The following NSMCE2 variants were observed in gnomAD, a reference collection of about 807,000 sequenced individuals.
The protein encoded by NSMCE2 is NSE2 SUMO ligase component of SMC5/6 complex.
NSMCE2 carries 24 observed loss-of-function variants against 23.8 expected under a neutral mutation model. That is an observed-to-expected ratio of 1.01 (90% CI 0.73 to 1.42). NSMCE2 has a LOEUF of 1.42. Ranked by LOEUF, NSMCE2 falls within the 40% of genes most tolerant of loss-of-function variation. The pLI, the probability that NSMCE2 is intolerant of heterozygous loss-of-function variation, is 0.00. For missense variants in NSMCE2, 284 were observed against 296.5 expected (o/e 0.96, Z 0.31); for synonymous variants, 92 against 94.1 (o/e 0.98, Z 0.13).
chr8:125,119,847 G>A (rs1819185793), intron 3 of NSMCE2, among the ~76,000 whole-genome samples: 1 of 151,732 alleles, frequency 6.6e-6, no homozygotes, highest in Non-Finnish European at 1.5e-5. Context: ...TCTTCTTTCT[G>A]TACTTTATAA....
intron 5 of NSMCE2, among the ~76,000 whole-genome samples, chr8:125,204,875 C>T (rs1168936858): frequency 2.0e-5 from 3 of 152,152 alleles, no homozygotes; most frequent in South Asian, 2.1e-4. Flanking sequence ...TAACTAGATC[C>T]GGCCAGTTTC....
intron 5 of NSMCE2, among the ~76,000 whole-genome samples, chr8:125,285,430 C>A (rs1263052481): frequency 6.6e-6 from 1 of 152,152 alleles, no homozygotes; most frequent in Non-Finnish European, 1.5e-5. Flanking sequence ...TCCTCCCCTC[C>A]CTCCCTTCCT....
At chr8:125,096,088 G>T (rs1483855087) in intron 1 of NSMCE2, among the ~76,000 whole-genome samples, 2 of 152,120 alleles carry the variant, frequency 1.3e-5, no homozygotes, top group African/African-American at 4.8e-5. Flanking sequence ...AGGGCCTTGA[G>T]CTCCTTCCAT....
chr8:125,266,239 G>A (rs1049744561), intron 5 of NSMCE2, among the ~76,000 whole-genome samples: 1 of 152,142 alleles, frequency 6.6e-6, no homozygotes, highest in Non-Finnish European at 1.5e-5. Context: ...TTACAGGCAT[G>A]TGCCACCACG....
At chr8:125,192,340 T>A (rs536732591) in intron 5 of NSMCE2, among the ~76,000 whole-genome samples, 22 of 152,264 alleles carry the variant, frequency 1.4e-4, no homozygotes, top group African/African-American at 3.8e-4. Flanking sequence ...TTTTTTTTTT[T>A]TTTTAAAGAA....
At chr8:125,197,200 A>G (rs1335035461) in intron 5 of NSMCE2, among the ~76,000 whole-genome samples, 2 of 152,122 alleles carry the variant, frequency 1.3e-5, no homozygotes, top group Non-Finnish European at 2.9e-5. Flanking sequence ...TCTTTAGTTT[A>G]ATTAGATCCC....
At chr8:125,134,773 G>A (rs1425873145) in intron 3 of NSMCE2, among the ~76,000 whole-genome samples, 1 of 147,300 alleles carries the variant, frequency 6.8e-6, no homozygotes, top group East Asian at 2.0e-4. Flanking sequence ...TGTTGCTCAG[G>A]CTGGAGTACA....
chr8:125,314,156 T>G (rs1226817860), intron 5 of NSMCE2, among the ~76,000 whole-genome samples: 1 of 152,240 alleles, frequency 6.6e-6, no homozygotes, highest in East Asian at 1.9e-4. Context: ...AATGCTTAAG[T>G]GGATATCTAA....
At chr8:125,345,512 A>G (rs1352663321) in intron 5 of NSMCE2, among the ~76,000 whole-genome samples, 4 of 152,240 alleles carry the variant, frequency 2.6e-5, no homozygotes, top group Non-Finnish European at 4.4e-5. Flanking sequence ...TTCACTGAGA[A>G]CATGAAGCTG....
At chr8:125,228,821 C>G (rs1026335595) in intron 5 of NSMCE2, among the ~76,000 whole-genome samples, 7 of 152,020 alleles carry the variant, frequency 4.6e-5, no homozygotes, top group African/African-American at 1.7e-4. Flanking sequence ...TAGCTTAGCT[C>G]ATTGAATTCA....
At chr8:125,219,818 A>G (rs1824769646) in intron 5 of NSMCE2, among the ~76,000 whole-genome samples, 1 of 152,210 alleles carries the variant, frequency 6.6e-6, no homozygotes, top group Non-Finnish European at 1.5e-5. Context: ...TCACTGTGAA[A>G]AAGAACCTGG....
intron 3 of NSMCE2, among the ~76,000 whole-genome samples, chr8:125,123,017 A>G (rs914224183): frequency 8.5e-5 from 13 of 152,206 alleles, no homozygotes; most frequent in African/African-American, 3.1e-4. Context: ...GTTTTGTCTC[A>G]TGTCTTTAAA....
chr8:125,242,468 T>C (rs2130984344), intron 5 of NSMCE2, among the ~76,000 whole-genome samples: 1 of 151,684 alleles, frequency 6.6e-6, no homozygotes, highest in Non-Finnish European at 1.5e-5. Context: ...ATGAAATTAG[T>C]AGGAAAAAGT....
chr8:125,168,435 G>T (rs1416139523), intron 4 of NSMCE2, among the ~76,000 whole-genome samples: 6 of 152,210 alleles, frequency 3.9e-5, no homozygotes, highest in Non-Finnish European at 7.3e-5. Context: ...TTGGCCTACT[G>T]TAATGGAATA....
intron 1 of NSMCE2, among the ~76,000 whole-genome samples, chr8:125,093,620 G>A (rs923988483): frequency 2.6e-5 from 4 of 152,118 alleles, no homozygotes; most frequent in Non-Finnish European, 5.9e-5. Context: ...CTACTCGGGA[G>A]GCTGAGGCAG....
chr8:125,213,655 GTTTCTCTCTCTTTCTCTC>G (rs1254329782), intron 5 of NSMCE2, among the ~76,000 whole-genome samples: 5 of 138,254 alleles, frequency 3.6e-5, no homozygotes, highest in Non-Finnish European at 7.7e-5. Flanking sequence ...CTCTTTCTCT[GTTTCTCTCTCTTTCTCTC>G]TTTCTCTCTC....
At chr8:125,319,171 A>C (rs972093609) in intron 5 of NSMCE2, among the ~76,000 whole-genome samples, 2 of 152,218 alleles carry the variant, frequency 1.3e-5, no homozygotes, top group Admixed American at 6.5e-5. Flanking sequence ...CATAGATTAA[A>C]CACCACTCTG....
chr8:125,156,786 A>G (rs900281334), intron 4 of NSMCE2, among the ~76,000 whole-genome samples: 3 of 152,216 alleles, frequency 2.0e-5, no homozygotes, highest in Admixed American at 2.0e-4. Flanking sequence ...CTCTCTCATT[A>G]TGCAACTAGT....
At chr8:125,159,619 A>G (rs1359508631) in intron 4 of NSMCE2, among the ~76,000 whole-genome samples, 1 of 152,156 alleles carries the variant, frequency 6.6e-6, no homozygotes, top group Non-Finnish European at 1.5e-5. Flanking sequence ...GCATGACTAT[A>G]CAGGGTTTGG....
Sources: allele counts gnomAD v4.1 joint callset (sites outside exome capture counted in the v4.1 genomes callset), GRCh38; gene constraint gnomAD v4.1.1; transcripts MANE v1.5; gene names NCBI Gene and HGNC (gene_info 2026-07-23, HGNC 2026-07-21).